RUNDC3A: variants seen among roughly 807,000 people sequenced by gnomAD.
RUNDC3A encodes the protein RUN domain-containing protein 3A.
Under a neutral mutation model 53.9 loss-of-function variants are expected in RUNDC3A, and 28 were observed. That is an observed-to-expected ratio of 0.52 (90% confidence interval 0.38 to 0.71). RUNDC3A has a LOEUF of 0.71. Among genes scored for constraint, RUNDC3A ranks in the 30% least tolerant of loss-of-function variants. The probability of loss-of-function intolerance (pLI) is 0.00; values close to 1 mark genes in which losing one functional copy is unlikely to be tolerated. For synonymous variants in RUNDC3A, 232 were observed against 249.4 expected (o/e 0.93, Z 0.66); for missense variants, 491 against 597.3 (o/e 0.82, Z 1.85).
intron 10 of RUNDC3A, chr17:44,317,456 A>G: frequency 1.3e-6 from 1 of 780,750 alleles, no homozygotes; most frequent in South Asian, 1.3e-5. Context: ...TTGCCTGACC[A>G]TTGTTTCCCC....
At chr17:44,314,051 C>A (rs576042906) in intron 4 of RUNDC3A, 2 of 992,898 alleles carry the variant, frequency 2.0e-6, no homozygotes, top group Non-Finnish European at 2.4e-6. Context: ...ATGCCCAGCA[C>A]GCTCCACCCT....
Position 44,315,792 on chromosome 17 carries a change from C to T in RUNDC3A, c.953+183C>T. On this transcript the variant is annotated intron_variant, in intron 8 of 10. Transcript: ENST00000426726. This position sits in a 1 kb window ranked among gnomAD's most constrained non-coding sequence, Gnocchi z 6.1. ...CCCACAATGATCTTCTAACATTGCC[C>T]CCAGCATAAGATCCAGTGACTTCCA... 6.1e-6 allele frequency: 3 copies of T among 488,720 alleles called. No homozygotes were observed. Among genetic ancestry groups the T allele is most frequent in the South Asian group, 5.1e-5 (1 of 19,764 alleles). The allele number at this position is 488,720 out of a possible 1,614,324, so 30.3% of individuals were successfully genotyped here. A position where few individuals can be genotyped will look rare whatever the true frequency, so the allele number is the denominator to read the frequency against.
intron 1 of RUNDC3A, among the ~76,000 whole-genome samples, chr17:44,309,153 G>A (rs909832783): frequency 2.0e-5 from 3 of 152,184 alleles, no homozygotes; most frequent in African/African-American, 7.2e-5. Flanking sequence ...GCCCGGGCCT[G>A]GGCCTGGGGG....
chr17:44,316,261 A>G (rs779792616), intron 8 of RUNDC3A, 124 bp from the exon 9 acceptor site: 88 of 905,928 alleles, frequency 9.7e-5, no homozygotes, highest in Non-Finnish European at 1.4e-4. Flanking sequence ...CACTGACCCC[A>G]ACACCGTATC....
At position 44,314,682 on chromosome 17, in the gene RUNDC3A, G is replaced by A. The variant is rs557051971; in HGVS notation, c.459-53G>A. The A allele has an allele frequency of 1.7e-5, 22 of 1,268,160 alleles. 1 individual carries two copies. The highest frequency in any genetic ancestry group is 5.7e-5 in the African/African-American group (4 of 70,000). The allele number at this position is 1,268,160 out of a possible 1,614,324, so 78.6% of individuals were successfully genotyped here. On this transcript the variant is annotated intron_variant, in intron 4 of 10. Transcript: ENST00000426726. Reference sequence around the variant, plus strand: ...GCCAACAATAGCAGCTCTGGGGGGGGGGGGGGCGCTCCAGGGGCCTGCTGC... The same window carrying A: ...GCCAACAATAGCAGCTCTGGGGGGGAGGGGGGCGCTCCAGGGGCCTGCTGC...
chr17:44,314,888 C>T lies in RUNDC3A; in HGVS notation c.549-41C>T, dbSNP rs573048840. Reference sequence around the variant, plus strand: ...TCCCCCATAAATGTCCTACCCCAACCCCTCACACCCACCTCCAACCCTGTG... The same window carrying T: ...TCCCCCATAAATGTCCTACCCCAACTCCTCACACCCACCTCCAACCCTGTG... On this transcript the variant is annotated intron_variant, in intron 5 of 10. Coordinates refer to ENST00000426726, the MANE Select transcript of RUNDC3A (RefSeq NM_001144825.2). The T allele has an allele frequency of 2.4e-4, 395 of 1,614,000 alleles. 3 individuals carry two copies. In the South Asian group the frequency reaches 3.8e-3, roughly 16 times the overall value.
At chr17:44,317,154 CCTTT>C in intron 10 of RUNDC3A, 1 of 474,164 alleles carries the variant, frequency 2.1e-6, no homozygotes, top group Non-Finnish European at 3.8e-6. Context: ...CCTCTCTCAG[CCTTT>C]CTTGAGGGTT....
intron 1 of RUNDC3A, among the ~76,000 whole-genome samples, chr17:44,310,215 CTT>C (rs1371321054): frequency 1.3e-5 from 2 of 152,380 alleles, no homozygotes; most frequent in East Asian, 3.9e-4. Flanking sequence ...GGGGAGGTCT[CTT>C]AACCACTCTG....
At chr17:44,312,487 T>C in intron 1 of RUNDC3A, 93 bp from the exon 2 acceptor site, 1 of 717,368 alleles carries the variant, frequency 1.4e-6, no homozygotes. Context: ...CTTCCTGACC[T>C]TTCTTCTCTG....
In RUNDC3A at chr17:44,315,040, G is replaced by A. The variant is rs770032619; in HGVS notation, c.629+31G>A. The stretch of plus-strand genomic sequence containing the variant: ...CGGCTCCATGACTGCGGCGGGGCGG[G>A]GGACGGGGCCTCGGGACATCCTGGG... On this transcript the variant is annotated intron_variant, in intron 6 of 10. Coordinates refer to ENST00000426726, the MANE Select transcript of RUNDC3A (RefSeq NM_001144825.2). This position sits in a 1 kb window ranked among gnomAD's most constrained non-coding sequence, Gnocchi z 6.1. The A allele has an allele frequency of 6.2e-7, 1 of 1,612,850 alleles. No homozygotes were observed. The highest frequency in any genetic ancestry group is 1.3e-5 in the African/African-American group (1 of 74,956).
At position 44,315,362 on chromosome 17, in the gene RUNDC3A, G is replaced by A. The variant is rs1277743476; in HGVS notation, c.795+42G>A. On this transcript the variant is annotated intron_variant, in intron 7 of 10. Transcript: ENST00000426726. This position sits in a 1 kb window ranked among gnomAD's most constrained non-coding sequence, Gnocchi z 6.1. ...GGCCCGGGGGGCGGGCGGGCCGGGC[G>A]GGGGATCCGGGCATCCCGGGGCGGG... 1.5e-5 allele frequency: 20 copies of A among 1,308,446 alleles called. No homozygotes were observed. Among genetic ancestry groups the A allele is most frequent in the African/African-American group, 6.2e-5 (4 of 64,932 alleles). The allele number at this position is 1,308,446 out of a possible 1,614,324, so 81.1% of individuals were successfully genotyped here.
At chr17:44,317,947 C>A in intron 10 of RUNDC3A, 149 bp from the exon 11 acceptor site, 1 of 783,500 alleles carries the variant, frequency 1.3e-6, no homozygotes, top group South Asian at 1.8e-5. Flanking sequence ...AGGTGCTTAA[C>A]CAAAGTTTAA....
At position 44,314,947 on chromosome 17, in the gene RUNDC3A, A is replaced by G. The variant is rs921115029; in HGVS notation, c.567A>G (p.Glu189=). The change falls in exon 6 of 11, where the codon GAA becomes GAG. Residue 189 remains glutamate (E), a synonymous_variant. Transcript: ENST00000426726. ...AIDFSFCLKG[E]VLDGKTPVVI... ...GCCTCAGCTTCTGTCTAAAGGGGGA[A>G]GTCCTGGACGGGAAGACCCCCGTGG... 5 of 1,614,010 alleles carry G rather than the reference A, an allele frequency of 3.1e-6. No homozygotes were observed. The East Asian group carries it at 6.7e-5, about 22-fold the overall frequency.
chr17:44,310,077 A>C (rs1183285374), intron 1 of RUNDC3A: 1 of 152,566 alleles, frequency 6.6e-6, no homozygotes, highest in East Asian at 1.9e-4. Flanking sequence ...CCCACAGTGC[A>C]GGGCACTGCC....
chr17:44,315,302 C>T lies in RUNDC3A; in HGVS notation c.777C>T (p.Arg259=), dbSNP rs2047836370. The change falls in exon 7 of 11, where the codon CGC becomes CGT. Residue 259 remains arginine, a synonymous_variant. Coordinates refer to ENST00000426726, the MANE Select transcript of RUNDC3A (RefSeq NM_001144825.2). This position sits in a 1 kb window ranked among gnomAD's most constrained non-coding sequence, Gnocchi z 6.1. ...GGCACAAGATGGAGCAGAAGTTCCG[C>T]ATCGTCTACGCGCAGAAGGTGCGCG... ...SKWHKMEQKF[R]IVYAQKGYLE... is the part of the protein sequence containing the mutation. The T allele has an allele frequency of 1.1e-5, 17 of 1,529,282 alleles. No homozygotes were observed. The highest frequency in any genetic ancestry group is 1.4e-5 in the Non-Finnish European group (16 of 1,136,016). 94.7% of individuals were successfully genotyped at this position (1,529,282 alleles called of 1,614,324 possible).
At chr17:44,317,350 G>C (rs896499579) in intron 10 of RUNDC3A, 1 of 721,454 alleles carries the variant, frequency 1.4e-6, no homozygotes. Context: ...TGAGGGCTCA[G>C]TGGTTTTTTA....
chr17:44,315,703 C>A lies in RUNDC3A; in HGVS notation c.953+94C>A. ...TTCACTTCCATCGACTCTAACATCA[C>A]CCGACACGAGCACCCACCTCTCCAG... On this transcript the variant is annotated intron_variant, in intron 8 of 10. Transcript: ENST00000426726. This position sits in a 1 kb window ranked among gnomAD's most constrained non-coding sequence, Gnocchi z 6.1. 2 of 1,185,778 alleles carry A rather than the reference C, an allele frequency of 1.7e-6. No individual in the cohort carries two copies. The highest frequency in any genetic ancestry group is 1.1e-6 in the Non-Finnish European group (1 of 910,236). The allele number at this position is 1,185,778 out of a possible 1,614,324, so 73.5% of individuals were successfully genotyped here. A position where few individuals can be genotyped will look rare whatever the true frequency, so the allele number is the denominator to read the frequency against.
intron 4 of RUNDC3A, 138 bp from the exon 5 acceptor site, chr17:44,314,597 C>T: frequency 6.8e-7 from 1 of 1,460,582 alleles, no homozygotes; most frequent in South Asian, 1.4e-5. Flanking sequence ...AGAGAGGCTC[C>T]AGGCCTGCGT....
intron 10 of RUNDC3A, chr17:44,317,709 A>G (rs1177445440): frequency 1.6e-6 from 1 of 628,108 alleles, no homozygotes; most frequent in Non-Finnish European, 2.9e-6. Context: ...GCCCCATCAC[A>G]CTGTGTTTGT....
Sources: allele counts gnomAD v4.1 joint callset (sites outside exome capture counted in the v4.1 genomes callset), GRCh38; gene constraint gnomAD v4.1.1; non-coding constraint Gnocchi (gnomAD v3.1); transcripts MANE v1.5; gene names NCBI Gene and HGNC (gene_info 2026-07-23, HGNC 2026-07-21).